The following CCDC178 variants were observed in gnomAD, a reference collection of about 807,000 sequenced individuals.
CCDC178 encodes coiled-coil domain-containing protein 178.
A neutral mutation model predicts 117.4 loss-of-function variants in CCDC178; 126 were observed. That is an observed-to-expected ratio of 1.07 (90% CI 0.93 to 1.24). The LOEUF (loss-of-function observed/expected upper bound fraction) is 1.24, where lower values mean the gene tolerates loss of function less well. Among genes scored for constraint, CCDC178 ranks in the 50% most tolerant of loss-of-function variants. The pLI is 0.00. For missense variants in CCDC178, 1,030 were observed against 986.9 expected (o/e 1.04, Z -0.59); for synonymous variants, 283 against 313.4 (o/e 0.90, Z 1.02).
intron 4 of CCDC178, among the ~76,000 whole-genome samples, chr18:33,391,673 G>C (rs2063567074): frequency 1.3e-5 from 2 of 151,958 alleles, no homozygotes; most frequent in South Asian, 2.1e-4. Flanking sequence ...AATGTGTCAA[G>C]GAAGGATTCC....
intron 2 of CCDC178, among the ~76,000 whole-genome samples, chr18:33,420,092 A>C (rs1305763929): frequency 6.6e-6 from 1 of 152,208 alleles, no homozygotes; most frequent in Non-Finnish European, 1.5e-5. Context: ...GAATGTTTAC[A>C]CCATGGAATA....
chr18:33,156,421 T>C (rs1335572476), intron 20 of CCDC178, among the ~76,000 whole-genome samples: 1 of 150,802 alleles, frequency 6.6e-6, no homozygotes, highest in South Asian at 2.1e-4. Context: ...CTGAAATATA[T>C]GTGGAAATAT....
At chr18:33,402,582 C>G (rs191213714) in intron 3 of CCDC178, among the ~76,000 whole-genome samples, 4 of 152,138 alleles carry the variant, frequency 2.6e-5, no homozygotes, top group South Asian at 2.1e-4. Context: ...CTAATATTAT[C>G]GGAAAGAAGA....
rs201199069 is a variant in CCDC178 at position 33,225,086 on chromosome 18, ATATATTACATATAT to A, written c.1657-164_1657-151del. ...CATAAAAAATGGATACGAATGTAAT[ATATATTACATATAT>A]TATATTACATATATTATAATATCCA... is the stretch of plus-strand genomic sequence containing the variant. On this transcript the variant is annotated intron_variant, in intron 16 of 22. Transcript: ENST00000383096. 2.6e-3 allele frequency: 743 copies of A among 284,296 alleles called. 13 individuals are homozygous for A. In the Admixed American group the frequency reaches 0.028, roughly 11 times the overall value. The allele number at this position is 284,296 out of a possible 1,614,324, so 17.6% of individuals were successfully genotyped here. A position where few individuals can be genotyped will look rare whatever the true frequency, so the allele number is the denominator to read the frequency against.
At chr18:33,294,598 GAACA>G (rs1258682554) in intron 11 of CCDC178, among the ~76,000 whole-genome samples, 10 of 152,036 alleles carry the variant, frequency 6.6e-5, no homozygotes, top group African/African-American at 9.7e-5. Context: ...AAAATTAAAG[GAACA>G]AACAAATAGG....
intron 11 of CCDC178, among the ~76,000 whole-genome samples, chr18:33,318,299 T>C (rs545879445): frequency 6.6e-6 from 1 of 152,278 alleles, no homozygotes; most frequent in Admixed American, 6.5e-5. Context: ...GCTTTGTCAG[T>C]AAAATGAATA....
At chr18:32,972,158 C>T (rs75672922) in intron 22 of CCDC178, among the ~76,000 whole-genome samples, 1 of 152,002 alleles carries the variant, frequency 6.6e-6, no homozygotes, top group Non-Finnish European at 1.5e-5. Flanking sequence ...TTGGGTTCTA[C>T]ATTTAAATTT....
At chr18:33,386,167 T>C (rs372556783) in intron 5 of CCDC178, among the ~76,000 whole-genome samples, 27 of 152,120 alleles carry the variant, frequency 1.8e-4, no homozygotes, top group African/African-American at 6.5e-4. Context: ...AGAATTTGAA[T>C]CCCTAAATAG....
In CCDC178 at chr18:33,370,131, T is replaced by C; in HGVS notation, c.267A>G (p.Val89=). The C allele has an allele frequency of 6.2e-7, 1 of 1,606,798 alleles. No individual in the cohort carries two copies. Among genetic ancestry groups the C allele is most frequent in the Non-Finnish European group, 8.5e-7 (1 of 1,176,714 alleles). Residue 89 remains valine, a synonymous_variant, in exon 6 of 23, where the codon GTA becomes GTG. Transcript: ENST00000383096. ...YPCRRHSCAV[V]NIPAPCVNKM... is the part of the protein sequence containing the mutation. ...TGTTGACACAAGGTGCTGGAATATT[T>C]ACTACGGCACAGCTGTGACGTCGAC...
intron 20 of CCDC178, among the ~76,000 whole-genome samples, chr18:33,207,579 T>C (rs185591975): frequency 1.2e-4 from 18 of 151,112 alleles, no homozygotes; most frequent in Admixed American, 6.6e-4. Context: ...GTATGTTCAT[T>C]GGGTATTAGC....
chr18:33,029,734 A>G (rs969393241), intron 21 of CCDC178, among the ~76,000 whole-genome samples: 3 of 151,382 alleles, frequency 2.0e-5, no homozygotes, highest in African/African-American at 7.3e-5. Flanking sequence ...TATTCTGGTA[A>G]TTTTTTCTTT....
chr18:33,217,415 G>A (rs2059179855), intron 18 of CCDC178, among the ~76,000 whole-genome samples: 1 of 151,856 alleles, frequency 6.6e-6, no homozygotes, highest in Non-Finnish European at 1.5e-5. Flanking sequence ...AAATTCCTAT[G>A]CAAAGTAGTA....
intron 22 of CCDC178, among the ~76,000 whole-genome samples, chr18:32,961,330 TC>T (rs2054699083): frequency 6.6e-6 from 1 of 152,170 alleles, no homozygotes; most frequent in Admixed American, 6.5e-5. Context: ...ATTCATTAAT[TC>T]TTTTTATGAA....
chr18:33,313,982 C>CCT, intron 11 of CCDC178, among the ~76,000 whole-genome samples: 1 of 151,504 alleles, frequency 6.6e-6, no homozygotes, highest in East Asian at 1.9e-4. Flanking sequence ...GGGCGGATCA[C>CCT]GAGGTCAGGA....
At chr18:33,175,013 CG>C (rs796244335) in intron 20 of CCDC178, among the ~76,000 whole-genome samples, 56 of 151,214 alleles carry the variant, frequency 3.7e-4, no homozygotes, top group African/African-American at 1.4e-3. Context: ...TGCTACAACC[CG>C]GCTAATTTTT....
At chr18:33,171,433 T>C (rs976410987) in intron 20 of CCDC178, among the ~76,000 whole-genome samples, 3 of 152,254 alleles carry the variant, frequency 2.0e-5, no homozygotes, top group Non-Finnish European at 2.9e-5. Flanking sequence ...GAGCCATTTC[T>C]TACAGTGACC....
chr18:33,029,573 G>A (rs1567942670), intron 21 of CCDC178, among the ~76,000 whole-genome samples: 1 of 151,660 alleles, frequency 6.6e-6, no homozygotes, highest in Non-Finnish European at 1.5e-5. Context: ...TACAATTACT[G>A]GTGTTGTAAG....
intron 20 of CCDC178, among the ~76,000 whole-genome samples, chr18:33,158,503 TA>T (rs2058427152): frequency 6.6e-6 from 1 of 152,114 alleles, no homozygotes; most frequent in Admixed American, 6.5e-5. Context: ...CTAAAATTTT[TA>T]TAAACAATAT....
chr18:33,070,189 G>C (rs2057084009), intron 21 of CCDC178, among the ~76,000 whole-genome samples: 1 of 151,928 alleles, frequency 6.6e-6, no homozygotes, highest in Non-Finnish European at 1.5e-5. Context: ...TTATCCAAAG[G>C]AAAATGTGTC....
Sources: allele counts gnomAD v4.1 joint callset (sites outside exome capture counted in the v4.1 genomes callset), GRCh38; gene constraint gnomAD v4.1.1; transcripts MANE v1.5; gene names NCBI Gene and HGNC (gene_info 2026-07-23, HGNC 2026-07-21).